Variants in XKR3 observed in about 807,000 individuals in gnomAD.
XKR3 encodes XK related 3.
A neutral mutation model predicts 40.3 loss-of-function variants in XKR3; 27 were observed. The observed-to-expected ratio is 0.67, with a 90% CI of 0.49 to 0.92. The LOEUF is 0.92. Ranked by LOEUF, XKR3 falls within the 40% of genes least tolerant of loss-of-function variation. XKR3 has a pLI of 0.00. For missense variants in XKR3, 472 were observed against 537.6 expected (o/e 0.88, Z 1.21); for synonymous variants, 193 against 195.4 (o/e 0.99, Z 0.10).
chr22:16,805,427 C>A (rs1169117900), intron 2 of XKR3, among the ~76,000 whole-genome samples: 1 of 152,042 alleles, frequency 6.6e-6, no homozygotes, highest in Non-Finnish European at 1.5e-5. Flanking sequence ...AAGTTAAAGA[C>A]CTAAGTAAAT....
At chr22:16,788,056 C>A (rs1191073485) in intron 3 of XKR3, among the ~76,000 whole-genome samples, 1 of 152,114 alleles carries the variant, frequency 6.6e-6, no homozygotes, top group African/African-American at 2.4e-5. Flanking sequence ...ATACATGGAA[C>A]ATTTTCCTGG....
chr22:16,796,393 C>G (rs2060140999), intron 3 of XKR3, among the ~76,000 whole-genome samples: 1 of 152,158 alleles, frequency 6.6e-6, no homozygotes, highest in South Asian at 2.1e-4. Flanking sequence ...ATACCAAAAC[C>G]TGGCAGAGAC....
At chr22:16,821,263 T>C (rs1232217977) in intron 1 of XKR3, among the ~76,000 whole-genome samples, 1 of 152,148 alleles carries the variant, frequency 6.6e-6, no homozygotes, top group African/African-American at 2.4e-5. Context: ...TTTACTTGCT[T>C]TCCTTCTAGA....
At chr22:16,806,720 G>A (rs542663440) in intron 2 of XKR3, among the ~76,000 whole-genome samples, 7 of 152,166 alleles carry the variant, frequency 4.6e-5, no homozygotes, top group Admixed American at 3.9e-4. Context: ...TTACAGGGAT[G>A]AGCCACCACA....
chr22:16,818,421 A>G (rs2060242402), intron 1 of XKR3, among the ~76,000 whole-genome samples: 1 of 152,116 alleles, frequency 6.6e-6, no homozygotes, highest in Non-Finnish European at 1.5e-5. Context: ...ATCCCACATA[A>G]TGGACTATAG....
chr22:16,801,013 T>C (rs1197200840), intron 2 of XKR3, among the ~76,000 whole-genome samples: 2 of 151,994 alleles, frequency 1.3e-5, no homozygotes, highest in Non-Finnish European at 2.9e-5. Flanking sequence ...TTAACAAAAT[T>C]ACAAAAAAAT....
chr22:16,800,032 C>A lies in XKR3; in HGVS notation c.336-8G>T, dbSNP rs752323399. On this transcript the variant is annotated splice_polypyrimidine_tract_variant and splice_region_variant and intron_variant, in intron 2 of 3. Coordinates refer to ENST00000684488, the MANE Select transcript of XKR3 (RefSeq NM_001386955.1). ...CTAATGGTGTGCAAACACCTGTTAA[C>A]ATGAAGTAACATCCAAGATTAACAT... is the stretch of plus-strand genomic sequence containing the variant. 3.7e-6 allele frequency: 6 copies of A among 1,609,970 alleles called. No individual in the cohort carries two copies. The highest frequency in any genetic ancestry group is 1.7e-4 in the Middle Eastern group (1 of 6,042).
intron 3 of XKR3, among the ~76,000 whole-genome samples, chr22:16,784,816 G>C (rs1245555722): frequency 6.6e-6 from 1 of 152,162 alleles, no homozygotes; most frequent in Non-Finnish European, 1.5e-5. Flanking sequence ...ATTCTTTATA[G>C]AAAGTTAAGA....
chr22:16,820,346 C>T (rs1053883587), intron 1 of XKR3, among the ~76,000 whole-genome samples: 24 of 152,024 alleles, frequency 1.6e-4, no homozygotes, highest in African/African-American at 5.8e-4. Flanking sequence ...TGGAAGAATC[C>T]CAGGGAGTTA....
intron 3 of XKR3, among the ~76,000 whole-genome samples, chr22:16,786,745 C>A (rs1212431963): frequency 1.3e-5 from 2 of 152,132 alleles, no homozygotes; most frequent in Non-Finnish European, 2.9e-5. Context: ...TCTTCTTGCC[C>A]TGAATCTCTG....
chr22:16,820,358 A>G (rs1316701587), intron 1 of XKR3, among the ~76,000 whole-genome samples: 3 of 152,216 alleles, frequency 2.0e-5, no homozygotes, highest in African/African-American at 7.2e-5. Flanking sequence ...AGGGAGTTAA[A>G]CTGAGTGAGG....
chr22:16,819,008 G>A (rs1019342188), intron 1 of XKR3, among the ~76,000 whole-genome samples: 1 of 151,906 alleles, frequency 6.6e-6, no homozygotes, highest in African/African-American at 2.4e-5. Context: ...TACAGGTCAG[G>A]AGGACCCCAA....
At chr22:16,803,774 G>T (rs1264437712) in intron 2 of XKR3, among the ~76,000 whole-genome samples, 2 of 152,190 alleles carry the variant, frequency 1.3e-5, no homozygotes, top group African/African-American at 4.8e-5. Context: ...CTAAAAAGGG[G>T]AGGCATGAAT....
chr22:16,806,067 T>C (rs1332732429), intron 2 of XKR3, among the ~76,000 whole-genome samples: 1 of 152,136 alleles, frequency 6.6e-6, no homozygotes, highest in African/African-American at 2.4e-5. Context: ...GAGACCAGCT[T>C]GGCCAACCTG....
intron 3 of XKR3, 121 bp downstream of exon 3, chr22:16,799,650 C>T: frequency 8.6e-7 from 1 of 1,167,850 alleles, no homozygotes; most frequent in Non-Finnish European, 1.2e-6. Context: ...GAAACTCAAT[C>T]TTATAAAAAA....
intron 3 of XKR3, among the ~76,000 whole-genome samples, chr22:16,796,349 T>C (rs1454531745): frequency 1.1e-4 from 16 of 152,172 alleles, no homozygotes; most frequent in African/African-American, 3.6e-4. Context: ...TCTCATTCAA[T>C]GAGCCCAGAT....
chr22:16,795,129 G>C (rs2060135150), intron 3 of XKR3, among the ~76,000 whole-genome samples: 1 of 152,118 alleles, frequency 6.6e-6, no homozygotes, highest in Non-Finnish European at 1.5e-5. Flanking sequence ...ACAGAATATA[G>C]CCTAAGATGG....
chr22:16,811,095 CT>C (rs1014300892), intron 1 of XKR3, among the ~76,000 whole-genome samples: 2 of 146,664 alleles, frequency 1.4e-5, no homozygotes, highest in Admixed American at 6.8e-5. Flanking sequence ...TCACTTTGAT[CT>C]TTTTTTTCTT....
At chr22:16,821,232 A>G (rs1218499480) in intron 1 of XKR3, among the ~76,000 whole-genome samples, 2 of 152,164 alleles carry the variant, frequency 1.3e-5, no homozygotes, top group East Asian at 3.8e-4. Flanking sequence ...AAAAATGTAT[A>G]TATCAAAGCT....
Sources: allele counts gnomAD v4.1 joint callset (sites outside exome capture counted in the v4.1 genomes callset), GRCh38; gene constraint gnomAD v4.1.1; transcripts MANE v1.5; gene names NCBI Gene and HGNC (gene_info 2026-07-23, HGNC 2026-07-21).